DHX35: variants seen among roughly 807,000 people sequenced by gnomAD.
DHX35 encodes probable ATP-dependent RNA helicase DHX35.
In DHX35, 84 loss-of-function variants were observed where a neutral mutation model predicts 99.6. The observed-to-expected ratio is 0.84, with a 90% CI of 0.71 to 1.01. DHX35 has a LOEUF of 1.01. DHX35 is among the 50% of genes least tolerant of loss of function. DHX35 has a pLI of 0.00. For synonymous variants in DHX35, 331 were observed against 316.2 expected, an observed-to-expected ratio of 1.05 and a Z score of -0.50; for missense variants, 852 against 888.5, an observed-to-expected ratio of 0.96 and a Z score of 0.52.
chr20:38,995,222 G>C (rs1298919485), intron 8 of DHX35, among the ~76,000 whole-genome samples: 1 of 152,066 alleles, frequency 6.6e-6, no homozygotes, highest in Non-Finnish European at 1.5e-5. Context: ...AGATTTTTCT[G>C]TGCAATTGAA....
intron 3 of DHX35, among the ~76,000 whole-genome samples, chr20:38,983,224 A>G (rs986005330): frequency 2.0e-5 from 3 of 152,224 alleles, no homozygotes; most frequent in African/African-American, 7.2e-5. Flanking sequence ...TGTTCAATCA[A>G]ATTTTATATA....
At chr20:38,978,105 T>G (rs1196576686) in intron 3 of DHX35, 1 of 766,900 alleles carries the variant, frequency 1.3e-6, no homozygotes. Context: ...GCACTGGCCC[T>G]GAGCCACACT....
chr20:38,971,423 C>T (rs902073967), intron 2 of DHX35, among the ~76,000 whole-genome samples: 12 of 152,080 alleles, frequency 7.9e-5, no homozygotes, highest in Admixed American at 7.2e-4. Context: ...ACTGCCTCTT[C>T]CCCAGCACCA....
intron 5 of DHX35, among the ~76,000 whole-genome samples, chr20:38,990,873 T>C (rs1192434845): frequency 6.6e-6 from 1 of 152,166 alleles, no homozygotes; most frequent in Non-Finnish European, 1.5e-5. Flanking sequence ...GATTACCTCA[T>C]TTTACAAATG....
rs777354525 is a variant in DHX35 at position 38,994,930 on chromosome 20, C to T, written c.642+50C>T. 4.5e-6 allele frequency: 7 copies of T among 1,544,128 alleles called. No homozygotes were observed. The South Asian group carries it at 8.0e-5, about 18-fold the overall frequency. On this transcript the variant is annotated intron_variant, in intron 8 of 21. Coordinates refer to ENST00000252011, the MANE Select transcript of DHX35 (RefSeq NM_021931.4). ...TCCTCTCCTCACAAACACTTTTGTCCTATATATCCTTGGGAAGTTACCTCT... is the reference window on the plus strand; with the variant it reads ...TCCTCTCCTCACAAACACTTTTGTCTTATATATCCTTGGGAAGTTACCTCT...
At chr20:39,029,964 A>G (rs2087020083) in intron 19 of DHX35, 1 of 151,922 alleles carries the variant, frequency 6.6e-6, no homozygotes, top group African/African-American at 2.4e-5. Flanking sequence ...AGAGAAATTA[A>G]TAGTCCAGTA....
chr20:39,001,963 A>C (rs3764701), intron 9 of DHX35, 121 bp downstream of exon 9: 12 of 815,204 alleles, frequency 1.5e-5, no homozygotes, highest in African/African-American at 3.4e-5. Context: ...TTGTGTCCCT[A>C]GTCATTGGTC....
At chr20:39,025,113 T>G in intron 17 of DHX35, 117 bp from the exon 18 acceptor site, 1 of 1,257,330 alleles carries the variant, frequency 8.0e-7, no homozygotes. Flanking sequence ...GTTCCCATCT[T>G]TAGATCTTAT....
intron 8 of DHX35, among the ~76,000 whole-genome samples, chr20:38,998,320 T>C (rs1419715742): frequency 2.0e-5 from 3 of 152,206 alleles, no homozygotes; most frequent in Non-Finnish European, 4.4e-5. Flanking sequence ...TCCAGATTCT[T>C]AGAGAAGGAA....
At chr20:39,004,026 A>C (rs1162914973) in intron 11 of DHX35, 119 bp downstream of exon 11, 6 of 1,145,204 alleles carry the variant, frequency 5.2e-6, no homozygotes, top group Non-Finnish European at 7.5e-6. Context: ...ATTTCTGTGT[A>C]GTAGATCTAA....
At chr20:39,000,363 T>C (rs919419387) in intron 8 of DHX35, among the ~76,000 whole-genome samples, 2 of 152,186 alleles carry the variant, frequency 1.3e-5, no homozygotes, top group African/African-American at 4.8e-5. Flanking sequence ...TTTTGGGGCA[T>C]GGGGTGTCTG....
intron 14 of DHX35, 68 bp from the exon 15 acceptor site, chr20:39,018,736 T>C: frequency 6.9e-7 from 1 of 1,448,672 alleles, no homozygotes; most frequent in Non-Finnish European, 9.6e-7. Context: ...TTTTATTCTC[T>C]CAGCAACTGT....
At chr20:38,989,955 A>T (rs981150171) in intron 5 of DHX35, among the ~76,000 whole-genome samples, 1 of 152,226 alleles carries the variant, frequency 6.6e-6, no homozygotes, top group African/African-American at 2.4e-5. Context: ...TTAATTTGCA[A>T]CAGAGGAAAA....
intron 4 of DHX35, among the ~76,000 whole-genome samples, chr20:38,984,936 GTT>G (rs895558543): frequency 6.6e-6 from 1 of 151,156 alleles, no homozygotes; most frequent in African/African-American, 2.4e-5. Context: ...TTCAGTTGTG[GTT>G]TTTGTTGATA....
At chr20:39,002,089 G>T (rs575407777) in intron 9 of DHX35, among the ~76,000 whole-genome samples, 1 of 152,348 alleles carries the variant, frequency 6.6e-6, no homozygotes, top group Non-Finnish European at 1.5e-5. Flanking sequence ...AGCAAAAGTG[G>T]TGAAAGGTTT....
At chr20:39,034,656 T>C (rs1010071812) in intron 21 of DHX35, among the ~76,000 whole-genome samples, 1 of 151,642 alleles carries the variant, frequency 6.6e-6, no homozygotes, top group South Asian at 2.1e-4. Context: ...GGCACGATCA[T>C]GGCTCACTGC....
intron 14 of DHX35, among the ~76,000 whole-genome samples, chr20:39,016,061 G>A (rs1400442012): frequency 2.0e-5 from 3 of 152,164 alleles, no homozygotes; most frequent in African/African-American, 7.2e-5. Flanking sequence ...GTTTATTTGG[G>A]TCACGATTCA....
intron 3 of DHX35, among the ~76,000 whole-genome samples, chr20:38,975,233 A>G (rs2086058894): frequency 6.6e-6 from 1 of 152,196 alleles, no homozygotes; most frequent in African/African-American, 2.4e-5. Flanking sequence ...CTAGTAAAGG[A>G]CAACTTGAAA....
At chr20:39,010,747 A>C (rs1387084107) in intron 13 of DHX35, among the ~76,000 whole-genome samples, 1 of 152,200 alleles carries the variant, frequency 6.6e-6, no homozygotes, top group African/African-American at 2.4e-5. Context: ...TTAGGAGTGG[A>C]GAGTTCCAGG....
Sources: gnomAD v4.1 joint callset for allele counts (sites outside exome capture counted in the v4.1 genomes callset) on GRCh38, gnomAD v4.1.1 for gene constraint, MANE v1.5 for transcripts, NCBI Gene and HGNC (gene_info 2026-07-23, HGNC 2026-07-21) for gene names.